Variants in OSBPL10 observed in about 807,000 individuals in gnomAD.
The protein encoded by OSBPL10 is oxysterol-binding protein-related protein 10.
A neutral mutation model predicts 81.7 loss-of-function variants in OSBPL10; 49 were observed. The observed-to-expected ratio is 0.60, with a 90% confidence interval of 0.48 to 0.76. OSBPL10 has a LOEUF of 0.76. Ranked by LOEUF, OSBPL10 falls within the 30% of genes least tolerant of loss-of-function variation. The probability of loss-of-function intolerance (pLI) is 0.00; values close to 1 mark genes in which losing one functional copy is unlikely to be tolerated. For missense variants in OSBPL10, 923 were observed against 987.8 expected (o/e 0.93, Z 0.88); for synonymous variants, 419 against 383.6 (o/e 1.09, Z -1.08).
At chr3:32,016,684 G>A (rs965031013) in intron 2 of OSBPL10, among the ~76,000 whole-genome samples, 1 of 152,170 alleles carries the variant, frequency 6.6e-6, no homozygotes, top group African/African-American at 2.4e-5. Context: ...AGAATAGGTT[G>A]TCAAAAAGCT....
intron 1 of OSBPL10, among the ~76,000 whole-genome samples, chr3:31,957,585 A>G (rs995092423): frequency 2.0e-5 from 3 of 152,176 alleles, no homozygotes; most frequent in African/African-American, 7.2e-5. Context: ...TCGTGGAGAT[A>G]TGTACTTGGA....
At position 31,881,883 on chromosome 3, in the gene OSBPL10, A is replaced by C. The variant is rs182308528; in HGVS notation, c.282-2053T>G. Among the ~76,000 whole-genome samples, 49 of 152,362 alleles carry C rather than the reference A, an allele frequency of 3.2e-4. 1 individual carries two copies. The East Asian group carries it at 8.1e-3, about 25-fold the overall frequency. On this transcript the variant is annotated intron_variant, in intron 1 of 11. Coordinates refer to ENST00000396556, the MANE Select transcript of OSBPL10 (RefSeq NM_017784.5). Reference sequence around the variant, plus strand: ...TAGATGTTATCCCCACATTATACGTATCCTGAGACTTGAAGGAATTTAAAA... The same window carrying C: ...TAGATGTTATCCCCACATTATACGTCTCCTGAGACTTGAAGGAATTTAAAA...
chr3:31,741,177 T>A (rs1391862142), intron 5 of OSBPL10, among the ~76,000 whole-genome samples: 1 of 152,208 alleles, frequency 6.6e-6, no homozygotes, highest in East Asian at 1.9e-4. Context: ...AGAATAAGAT[T>A]GAAATTCACA....
intron 4 of OSBPL10, among the ~76,000 whole-genome samples, chr3:31,783,116 T>TATATAC (rs1698743469): frequency 6.0e-5 from 1 of 16,640 alleles, no homozygotes; most frequent in South Asian, 3.3e-3. Flanking sequence ...ATCTATTATA[T>TATATAC]ATATATATAT....
chr3:31,838,530 A>C (rs1320475995), intron 3 of OSBPL10, among the ~76,000 whole-genome samples: 4 of 113,776 alleles, frequency 3.5e-5, no homozygotes, highest in African/African-American at 1.2e-4. Context: ...AAAAAAAAAA[A>C]AAAAAAACCT....
intron 1 of OSBPL10, among the ~76,000 whole-genome samples, chr3:32,048,879 C>T (rs192888413): frequency 1.2e-4 from 19 of 152,220 alleles, no homozygotes; most frequent in Admixed American, 4.6e-4. Flanking sequence ...ATCCCAAAAC[C>T]CACCAAAAAC....
chr3:31,836,568 T>C (rs1393650101), intron 3 of OSBPL10, among the ~76,000 whole-genome samples: 1 of 132,926 alleles, frequency 7.5e-6, no homozygotes, highest in East Asian at 2.6e-4. Flanking sequence ...CAATAAATCC[T>C]GCTGACTCTT....
chr3:31,999,142 T>G (rs568347387), intron 2 of OSBPL10, among the ~76,000 whole-genome samples: 117 of 152,166 alleles, frequency 7.7e-4, no homozygotes, highest in Non-Finnish European at 1.5e-3. Flanking sequence ...CTCTGCTGTC[T>G]GGAGGGCATC....
chr3:32,054,377 G>A (rs536533354), intron 1 of OSBPL10, among the ~76,000 whole-genome samples: 6 of 152,046 alleles, frequency 3.9e-5, no homozygotes, highest in African/African-American at 1.4e-4. Flanking sequence ...TCTTTGGGTT[G>A]TATTTGTATA....
At chr3:31,864,597 G>T (rs1315165930) in intron 3 of OSBPL10, among the ~76,000 whole-genome samples, 3 of 151,976 alleles carry the variant, frequency 2.0e-5, no homozygotes, top group Admixed American at 2.0e-4. Context: ...GAGGGGGAGG[G>T]AAAGGCATTC....
chr3:31,744,961 A>G (rs1294634617), intron 5 of OSBPL10, among the ~76,000 whole-genome samples: 1 of 152,220 alleles, frequency 6.6e-6, no homozygotes, highest in African/African-American at 2.4e-5. Flanking sequence ...GAGACCACAG[A>G]AACTCTGAAA....
chr3:31,670,156 C>G (rs1440448824), intron 9 of OSBPL10, among the ~76,000 whole-genome samples: 2 of 152,166 alleles, frequency 1.3e-5, no homozygotes, highest in African/African-American at 4.8e-5. Flanking sequence ...GCCCCTGTGA[C>G]ACTCTGATAC....
At chr3:32,004,384 G>T (rs1699182686) in intron 2 of OSBPL10, among the ~76,000 whole-genome samples, 1 of 152,130 alleles carries the variant, frequency 6.6e-6, no homozygotes, top group Non-Finnish European at 1.5e-5. Context: ...TACATTACCA[G>T]GAAGGATTGC....
Position 31,783,111 on chromosome 3 carries a change from TTATA to T in OSBPL10, c.730-34995_730-34992del, listed in dbSNP as rs56846176. ...GGATATATCTATATCAATATATCTA[TTATA>T]TATATATATATATATATATATATAT... On this transcript the variant is annotated intron_variant, in intron 4 of 11. Transcript: ENST00000396556. Among the ~76,000 whole-genome samples, 582 of 121,620 alleles carry T rather than the reference TTATA, an allele frequency of 4.8e-3. 8 individuals are homozygous for T. Among genetic ancestry groups the T allele is most frequent in the African/African-American group, 0.019 (505 of 27,262 alleles). The allele number at this position is 121,620 out of a possible 152,430, so 79.8% of individuals were successfully genotyped here. A position where few individuals can be genotyped will look rare whatever the true frequency, so the allele number is the denominator to read the frequency against.
chr3:31,740,733 G>T (rs1191793993), intron 5 of OSBPL10, among the ~76,000 whole-genome samples: 1 of 151,296 alleles, frequency 6.6e-6, no homozygotes, highest in African/African-American at 2.4e-5. Flanking sequence ...TGCCTGTGAA[G>T]AGCTACTGCA....
intron 1 of OSBPL10, among the ~76,000 whole-genome samples, chr3:31,949,876 C>T (rs371480686): frequency 2.6e-5 from 4 of 152,000 alleles, no homozygotes; most frequent in East Asian, 1.9e-4. Context: ...CCTGAGGTCC[C>T]ACCTATGGAC....
At chr3:32,031,149 G>A (rs1449382254) in intron 2 of OSBPL10, among the ~76,000 whole-genome samples, 2 of 151,164 alleles carry the variant, frequency 1.3e-5, no homozygotes, top group South Asian at 2.1e-4. Flanking sequence ...GGGCGACCAA[G>A]AGAGACTCCA....
chr3:31,895,202 C>T (rs1460649487), intron 1 of OSBPL10, among the ~76,000 whole-genome samples: 1 of 140,790 alleles, frequency 7.1e-6, no homozygotes, highest in Non-Finnish European at 1.5e-5. Context: ...GGTGTGATCT[C>T]GGTTCACTGC....
At chr3:32,006,393 A>G (rs1182421079) in intron 2 of OSBPL10, among the ~76,000 whole-genome samples, 1 of 152,166 alleles carries the variant, frequency 6.6e-6, no homozygotes, top group African/African-American at 2.4e-5. Context: ...CCCTTTCTGT[A>G]AGCCAGTTGT....
Sources: allele counts gnomAD v4.1 joint callset (sites outside exome capture counted in the v4.1 genomes callset), GRCh38; gene constraint gnomAD v4.1.1; transcripts MANE v1.5; gene names NCBI Gene and HGNC (gene_info 2026-07-23, HGNC 2026-07-21).